Variants in CADPS observed in about 807,000 individuals in gnomAD.
The protein encoded by CADPS is calcium-dependent secretion activator 1.
In CADPS, 57 loss-of-function variants were observed where a neutral mutation model predicts 167.3. The ratio of observed to expected loss-of-function variants is 0.34; its 90% CI spans 0.28 to 0.42. CADPS has a LOEUF of 0.42. CADPS is among the 20% of genes least tolerant of loss of function. The probability of loss-of-function intolerance (pLI) is 1.00; values close to 1 mark genes in which losing one functional copy is unlikely to be tolerated. For missense variants in CADPS, 1,414 were observed against 1,738.1 expected, an observed-to-expected ratio of 0.81 and a Z score of 3.32; for synonymous variants, 676 against 635.3, an observed-to-expected ratio of 1.06 and a Z score of -0.96.
intron 27 of CADPS, among the ~76,000 whole-genome samples, chr3:62,442,594 G>A (rs188072848): frequency 4.3e-4 from 65 of 152,296 alleles, no homozygotes; most frequent in Middle Eastern, 6.8e-3. Flanking sequence ...TTTGCATGGT[G>A]TAAATACTCC....
At chr3:62,490,244 C>T (rs1447403663) in intron 21 of CADPS, among the ~76,000 whole-genome samples, 3 of 152,098 alleles carry the variant, frequency 2.0e-5, no homozygotes, top group Non-Finnish European at 4.4e-5. Context: ...TACTTTGCTC[C>T]ATACTGTTTG....
chr3:62,621,868 G>T (rs981395749), intron 6 of CADPS, among the ~76,000 whole-genome samples: 1 of 149,506 alleles, frequency 6.7e-6, no homozygotes, highest in South Asian at 2.1e-4. Flanking sequence ...GTGTTAGTTT[G>T]CTGAAGATAA....
At chr3:62,693,905 G>A (rs1346123233) in intron 3 of CADPS, among the ~76,000 whole-genome samples, 15 of 151,962 alleles carry the variant, frequency 9.9e-5, no homozygotes, top group Non-Finnish European at 4.4e-5. Context: ...ATGTTCATCA[G>A]TTCTAACCCA....
chr3:62,860,561 A>T (rs1485019991), intron 1 of CADPS, among the ~76,000 whole-genome samples: 1 of 152,124 alleles, frequency 6.6e-6, no homozygotes, highest in Non-Finnish European at 1.5e-5. Flanking sequence ...TTATATTTTC[A>T]ATCCTTGGAC....
At chr3:62,865,630 A>C (rs1004337811) in intron 1 of CADPS, among the ~76,000 whole-genome samples, 1 of 151,992 alleles carries the variant, frequency 6.6e-6, no homozygotes, top group African/African-American at 2.4e-5. Context: ...TTGTTAAAAT[A>C]AAAGGAATAA....
At chr3:62,563,942 G>A (rs2079630305) in intron 9 of CADPS, among the ~76,000 whole-genome samples, 1 of 151,936 alleles carries the variant, frequency 6.6e-6, no homozygotes, top group Non-Finnish European at 1.5e-5. Context: ...ATCTCTTCAG[G>A]TGCCAGTCCT....
At chr3:62,481,128 T>C (rs560185843) in intron 22 of CADPS, among the ~76,000 whole-genome samples, 1 of 152,252 alleles carries the variant, frequency 6.6e-6, no homozygotes, top group Non-Finnish European at 1.5e-5. Context: ...CATATTGTAC[T>C]GTGACCTTGG....
chr3:62,430,612 G>T (rs1176165351), intron 28 of CADPS, among the ~76,000 whole-genome samples: 2 of 151,788 alleles, frequency 1.3e-5, no homozygotes, highest in Non-Finnish European at 2.9e-5. Flanking sequence ...TGAATACATG[G>T]TTTTCCTCTG....
chr3:62,796,487 C>T (rs1302572750), intron 1 of CADPS: 1 of 152,130 alleles, frequency 6.6e-6, no homozygotes, highest in Non-Finnish European at 1.5e-5. Flanking sequence ...CAGCAATTTG[C>T]ACCTGGTCAA....
rs1280865791 is a variant in CADPS, at chr3:62,599,728, G to T, written c.1326-6980C>A. On this transcript the variant is annotated intron_variant, in intron 6 of 29. Transcript: ENST00000383710. Reference sequence around the variant, plus strand: ...TATTATATAATATATAATATATATAGTATATATAATATATATAATCTATTA... The same window carrying T: ...TATTATATAATATATAATATATATATTATATATAATATATATAATCTATTA... Among the ~76,000 whole-genome samples the T allele has an allele frequency of 2.3e-3, 70 of 31,052 alleles. 4 individuals carry two copies. Among genetic ancestry groups the T allele is most frequent in the South Asian group, 0.012 (15 of 1,296 alleles). 20.4% of individuals were successfully genotyped at this position (31,052 alleles called of 152,430 possible).
Position 62,458,483 on chromosome 3 carries a change from ATTTCTTTTTTCTT to A in CADPS, c.3636+6871_3636+6883del, listed in dbSNP as rs141182230. On this transcript the variant is annotated intron_variant, in intron 26 of 29. Transcript: ENST00000383710. The surrounding 1 kb of genome is among the most constrained non-coding windows in gnomAD (Gnocchi z 4.6). Reference sequence around the variant, plus strand: ...GAAGCCATGTACCTATTCATTAGGTATTTCTTTTTTCTTTTTCTTTTTTGAGACGGAGTCTGGC... The same window carrying A: ...GAAGCCATGTACCTATTCATTAGGTATTTCTTTTTTGAGACGGAGTCTGGC... Among the ~76,000 whole-genome samples, 1,177 of 152,182 alleles carry A rather than the reference ATTTCTTTTTTCTT, an allele frequency of 7.7e-3. 54 individuals carry two copies. In the East Asian group the frequency reaches 0.14, roughly 18 times the overall value.
At chr3:62,582,331 A>G (rs942465201) in intron 8 of CADPS, among the ~76,000 whole-genome samples, 43 of 152,180 alleles carry the variant, frequency 2.8e-4, no homozygotes, top group Non-Finnish European at 4.6e-4. Context: ...CTGTGGTCCC[A>G]GCTACTTGGG....
At chr3:62,718,161 A>G (rs1261200269) in intron 3 of CADPS, among the ~76,000 whole-genome samples, 2 of 151,986 alleles carry the variant, frequency 1.3e-5, no homozygotes, top group African/African-American at 2.4e-5. Context: ...CATTAGTCAC[A>G]TGTTTATTAT....
In CADPS at chr3:62,420,570, A is replaced by G. The variant is rs1352467665; in HGVS notation, c.3778-17385T>C. Among the ~76,000 whole-genome samples the G allele has an allele frequency of 6.6e-6, 1 of 152,188 alleles. No homozygotes were observed. Among genetic ancestry groups the G allele is most frequent in the Admixed American group, 6.5e-5 (1 of 15,280 alleles). ...CATGGCAGGCAGCACAGGTGGATGG[A>G]GAGGGCATCTTGATCTCCTAGGAGG... On this transcript the variant is annotated intron_variant, in intron 28 of 29. Transcript: ENST00000383710. This position sits in a 1 kb window ranked among gnomAD's most constrained non-coding sequence, Gnocchi z 4.1.
intron 1 of CADPS, among the ~76,000 whole-genome samples, chr3:62,842,532 T>C (rs1223103978): frequency 6.6e-6 from 1 of 152,242 alleles, no homozygotes; most frequent in East Asian, 1.9e-4. Flanking sequence ...TTAATCACCA[T>C]ATTAACAATA....
chr3:62,618,572 C>T (rs533093254), intron 6 of CADPS, among the ~76,000 whole-genome samples: 8 of 152,282 alleles, frequency 5.3e-5, no homozygotes, highest in South Asian at 4.1e-4. Context: ...CCCGCCTATC[C>T]GTATTTCTTC....
intron 11 of CADPS, among the ~76,000 whole-genome samples, chr3:62,541,835 A>G (rs1006101066): frequency 6.6e-6 from 1 of 152,084 alleles, no homozygotes; most frequent in Non-Finnish European, 1.5e-5. Flanking sequence ...ACTATTTTTC[A>G]TGATCTATTA....
At chr3:62,640,701 A>T (rs2067238215) in intron 6 of CADPS, among the ~76,000 whole-genome samples, 1 of 152,172 alleles carries the variant, frequency 6.6e-6, no homozygotes, top group South Asian at 2.1e-4. Flanking sequence ...TAAATAATCA[A>T]ATGCCAAGTG....
intron 1 of CADPS, among the ~76,000 whole-genome samples, chr3:62,791,660 A>G (rs996174457): frequency 6.6e-5 from 10 of 152,216 alleles, no homozygotes; most frequent in Non-Finnish European, 1.2e-4. Flanking sequence ...AGGTACCAGT[A>G]TCTGCTCATG....
Sources: allele counts gnomAD v4.1 joint callset (sites outside exome capture counted in the v4.1 genomes callset), GRCh38; gene constraint gnomAD v4.1.1; non-coding constraint Gnocchi (gnomAD v3.1); transcripts MANE v1.5; gene names NCBI Gene and HGNC (gene_info 2026-07-23, HGNC 2026-07-21).